AMMECR1: variants seen among roughly 807,000 people sequenced by gnomAD.
AMMECR1 encodes AMMECR nuclear protein 1.
In AMMECR1, 3 loss-of-function variants were observed where a neutral mutation model predicts 22.5. That is an observed-to-expected ratio of 0.13 (90% CI 0.06 to 0.35). The LOEUF (loss-of-function observed/expected upper bound fraction) is 0.35. Ranked by LOEUF, AMMECR1 falls within the 10% of genes least tolerant of loss-of-function variation. The probability of loss-of-function intolerance (pLI) is 1.00; values close to 1 mark genes in which losing one functional copy is unlikely to be tolerated. For synonymous variants in AMMECR1, 130 were observed against 116.7 expected (o/e 1.11, Z -0.74); for missense variants, 235 against 278.7 (o/e 0.84, Z 1.12).
rs549485306 is a variant in AMMECR1, at chrX:110,249,805, C to T, written c.584+14684G>A. Among the ~76,000 whole-genome samples the T allele has an allele frequency of 3.1e-4, 35 of 111,408 alleles. No homozygotes were observed. In the South Asian group the frequency reaches 8.4e-3, roughly 27 times the overall value. ...GTCCCAGCTACTTGGGAGGCTGAGG[C>T]GGAAGAATCGCTTGAACCTGGGAGG... is the stretch of plus-strand genomic sequence containing the variant. On this transcript the variant is annotated intron_variant, in intron 2 of 5. Coordinates refer to ENST00000262844, the MANE Select transcript of AMMECR1 (RefSeq NM_015365.3).
At chrX:110,307,194 C>T (rs1455799044) in intron 1 of AMMECR1, 1 of 105,092 alleles carries the variant, frequency 9.5e-6, no homozygotes, top group Non-Finnish European at 1.9e-5. Flanking sequence ...TGCAGTGAGC[C>T]GAAATCATAC....
chrX:110,273,555 C>T (rs920116506), intron 1 of AMMECR1, among the ~76,000 whole-genome samples: 4 of 112,095 alleles, frequency 3.6e-5, no homozygotes, highest in Non-Finnish European at 7.5e-5. Flanking sequence ...AAATTCTTTA[C>T]CTAGAAAAAT....
At chrX:110,269,779 G>T (rs2067789435) in intron 1 of AMMECR1, among the ~76,000 whole-genome samples, 1 of 111,822 alleles carries the variant, frequency 8.9e-6, no homozygotes, top group Non-Finnish European at 1.9e-5. Flanking sequence ...TCAACAAAAA[G>T]AAGCTTTACA....
rs986741653 is a variant in AMMECR1, at chrX:110,197,329, G to C, written c.*1191C>G. 8.9e-6 allele frequency: 1 copy of C among 112,159 alleles called. No homozygotes were observed. Among genetic ancestry groups the C allele is most frequent in the African/African-American group, 3.2e-5 (1 of 30,906 alleles). The allele number at this position is 112,159 out of a possible 1,213,427, so 9.2% of individuals were successfully genotyped here. A position where few individuals can be genotyped will look rare whatever the true frequency, so the allele number is the denominator to read the frequency against. On this transcript the variant is annotated 3_prime_UTR_variant, in exon 6 of 6. Transcript: ENST00000262844. ...TATTGTCCCCATGACAAACATATCT[G>C]AAATCATGGCAAATATGAACTTTTG...
intron 2 of AMMECR1, among the ~76,000 whole-genome samples, chrX:110,415,049 A>G (rs943637639): frequency 9.0e-6 from 1 of 111,535 alleles, no homozygotes; most frequent in East Asian, 2.8e-4. Context: ...CACAGCATTC[A>G]TGTTTATCCC....
At chrX:110,351,220 G>A (rs1241262236) in intron 2 of AMMECR1, among the ~76,000 whole-genome samples, 1 of 111,541 alleles carries the variant, frequency 9.0e-6, no homozygotes, top group African/African-American at 3.3e-5. Flanking sequence ...AAATCTCAGT[G>A]GCTTCTTTGC....
At chrX:110,230,655 G>A (rs956691467) in intron 2 of AMMECR1, among the ~76,000 whole-genome samples, 6 of 111,959 alleles carry the variant, frequency 5.4e-5, no homozygotes, top group Non-Finnish European at 9.4e-5. Context: ...CACCAGCAAC[G>A]GAACAAAGTG....
chrX:110,222,340 G>A (rs1187658438), intron 2 of AMMECR1, among the ~76,000 whole-genome samples: 26 of 92,214 alleles, frequency 2.8e-4, no homozygotes, highest in Admixed American at 6.1e-4. Flanking sequence ...GTAAACTATC[G>A]CAAGAACAAA....
intron 2 of AMMECR1, among the ~76,000 whole-genome samples, chrX:110,422,288 C>T (rs2068723042): frequency 8.9e-6 from 1 of 112,967 alleles, no homozygotes; most frequent in Admixed American, 9.3e-5. Context: ...AGCTGGGCTC[C>T]CTTTTCTGGC....
rs150743199 is a variant in AMMECR1, at chrX:110,268,821, A to G, written c.474-4222T>C. Among the ~76,000 whole-genome samples the G allele has an allele frequency of 3.4e-3, 380 of 111,860 alleles. 5 individuals carry two copies. The highest frequency in any genetic ancestry group is 0.012 in the African/African-American group (361 of 30,823). Reference sequence around the variant, plus strand: ...GAGGAGCTGCTCAATGAGAAAAAAAATACAGAAAACCAGTTCATAGTAAGA... The same window carrying G: ...GAGGAGCTGCTCAATGAGAAAAAAAGTACAGAAAACCAGTTCATAGTAAGA... On this transcript the variant is annotated intron_variant, in intron 1 of 5. Transcript: ENST00000262844.
chrX:110,383,977 A>C (rs1475177817), intron 2 of AMMECR1, among the ~76,000 whole-genome samples: 1 of 112,247 alleles, frequency 8.9e-6, no homozygotes, highest in Non-Finnish European at 1.9e-5. Context: ...CAAAATAAAT[A>C]AGATGATACT....
chrX:110,349,409 A>C (rs759010935), intron 2 of AMMECR1, among the ~76,000 whole-genome samples: 2 of 111,750 alleles, frequency 1.8e-5, no homozygotes, highest in African/African-American at 6.5e-5. Flanking sequence ...GGCAAACCCC[A>C]TTACCTCCTA....
intron 1 of AMMECR1, among the ~76,000 whole-genome samples, chrX:110,435,095 G>A (rs1267712795): frequency 1.3e-5 from 1 of 75,562 alleles, no homozygotes; most frequent in Non-Finnish European, 2.5e-5. Context: ...AGAAGGGAAG[G>A]AAGGAGGGAG....
intron 1 of AMMECR1, among the ~76,000 whole-genome samples, chrX:110,281,644 C>T (rs920451377): frequency 8.9e-6 from 1 of 111,810 alleles, no homozygotes; most frequent in Non-Finnish European, 1.9e-5. Context: ...GATCTTAGTT[C>T]AAATAATGGA....
intron 2 of AMMECR1, among the ~76,000 whole-genome samples, chrX:110,263,499 G>A (rs1287834192): frequency 8.9e-6 from 1 of 111,786 alleles, no homozygotes; most frequent in Non-Finnish European, 1.9e-5. Context: ...ATTAACTGGT[G>A]CTATGAGCCT....
At chrX:110,200,687 G>A (rs752255156) in intron 5 of AMMECR1, among the ~76,000 whole-genome samples, 2 of 111,846 alleles carry the variant, frequency 1.8e-5, no homozygotes, top group South Asian at 3.8e-4. Flanking sequence ...CTCCAATAAA[G>A]TAGTCTAAAA....
chrX:110,196,570 C>G lies in AMMECR1; in HGVS notation c.*1950G>C, dbSNP rs1475473904. The G allele has an allele frequency of 9.0e-6, 1 of 111,007 alleles. No individual in the cohort carries two copies. The highest frequency in any genetic ancestry group is 9.6e-5 in the Admixed American group (1 of 10,424). 9.1% of individuals were successfully genotyped at this position (111,007 alleles called of 1,213,427 possible). ...AAATGACAGGACTCAAAATCCCTTT[C>G]TAAAGCCCAACAGCTAACTTTTTCT... On this transcript the variant is annotated 3_prime_UTR_variant, in exon 6 of 6. Transcript: ENST00000262844.
At position 110,318,084 on chromosome X, in the gene AMMECR1, T is replaced by C; in HGVS notation, c.-13A>G. The C allele has an allele frequency of 1.7e-6, 2 of 1,173,081 alleles. No individual in the cohort carries two copies. Among genetic ancestry groups the C allele is most frequent in the East Asian group, 3.1e-5 (1 of 32,092 alleles). The stretch of plus-strand genomic sequence containing the variant: ...AACCCGCCGCCATCTTGGAACAGTC[T>C]CCCCCACGCAGCGTTTCCGACCCAT... On this transcript the variant is annotated 5_prime_UTR_variant, in exon 1 of 6. Transcript: ENST00000262844.
At chrX:110,392,574 T>C (rs2068502345) in intron 2 of AMMECR1, among the ~76,000 whole-genome samples, 1 of 112,316 alleles carries the variant, frequency 8.9e-6, no homozygotes, top group South Asian at 3.7e-4. Context: ...TGAGCCACTG[T>C]GCCCAGCCTT....
Sources: gnomAD v4.1 joint callset for allele counts (sites outside exome capture counted in the v4.1 genomes callset) on GRCh38, gnomAD v4.1.1 for gene constraint, MANE v1.5 for transcripts, NCBI Gene and HGNC (gene_info 2026-07-23, HGNC 2026-07-21) for gene names.